Variants in ALOXE3 observed in about 807,000 individuals in gnomAD.
The protein encoded by ALOXE3 is hydroperoxide isomerase ALOXE3.
A neutral mutation model predicts 87.5 loss-of-function variants in ALOXE3; 78 were observed. The ratio of observed to expected loss-of-function variants is 0.89; its 90% CI spans 0.74 to 1.08. The LOEUF is 1.08. ALOXE3 is among the 50% of genes least tolerant of loss of function. The probability of loss-of-function intolerance (pLI) is 0.00; values close to 1 mark genes in which losing one functional copy is unlikely to be tolerated. For synonymous variants in ALOXE3, 363 were observed against 370.8 expected (o/e 0.98, Z 0.24); for missense variants, 946 against 912.4 (o/e 1.04, Z -0.47).
In ALOXE3 at chr17:8,114,508, G is replaced by A. The variant is rs201135844; in HGVS notation, c.656C>T (p.Ser219Leu). The change falls in exon 6 of 16, where the codon TCG (serine) becomes TTG (leucine). Residue 219 changes from serine to leucine, a missense_variant. Physicochemically the swap from Ser to Leu is moderately radical, Grantham distance 145. Transcript: ENST00000448843. Reference sequence around the variant, plus strand: ...CGCAGGGATGGCATTGAAGAGCAGCGAGATCGTCTTGGTGGCTGAGTATCG... The same window carrying A: ...CGCAGGGATGGCATTGAAGAGCAGCAAGATCGTCTTGGTGGCTGAGTATCG... Reference protein sequence around the residue: ...NVRYSATKTISLLFNAIPASL... With the variant: ...NVRYSATKTILLLFNAIPASL... The A allele has an allele frequency of 2.2e-5, 35 of 1,613,956 alleles. No individual in the cohort carries two copies. Among genetic ancestry groups the A allele is most frequent in the Admixed American group, 3.3e-5 (2 of 60,000 alleles).
intron 6 of ALOXE3, among the ~76,000 whole-genome samples, chr17:8,113,124 C>G (rs1980246997): frequency 6.6e-6 from 1 of 152,212 alleles, no homozygotes; most frequent in African/African-American, 2.4e-5. Context: ...AGGCACAGCT[C>G]AGAAGCAAAG....
At position 8,110,236 on chromosome 17, in the gene ALOXE3, G is replaced by A. The variant is rs750109655; in HGVS notation, c.1161C>T (p.Asp387=). The A allele has an allele frequency of 1.2e-6, 2 of 1,614,092 alleles. No homozygotes were observed. The highest frequency in any genetic ancestry group is 1.7e-6 in the Non-Finnish European group (2 of 1,179,934). Residue 387 remains aspartate, a synonymous_variant, in exon 10 of 16, where the codon GAC becomes GAT. Transcript: ENST00000448843. ...GCACCCACGTCTTGGCCAGCAGCCA[G>A]TCCCATTCGGAGTCAGTGGGCAGGA... is the stretch of plus-strand genomic sequence containing the variant. ...PIFLPTDSEW[D]WLLAKTWVRN...
At chr17:8,117,781 ACTC>A (rs1370859820) in intron 2 of ALOXE3, 60 bp downstream of exon 2, 2 of 1,567,020 alleles carry the variant, frequency 1.3e-6, no homozygotes, top group East Asian at 2.3e-5. Context: ...CAGGAGGAAT[ACTC>A]CTCCCGCCTG....
rs1217923375 is a variant in ALOXE3, at chr17:8,096,524, G to A, written c.*103C>T. On this transcript the variant is annotated 3_prime_UTR_variant, in exon 16 of 16. Coordinates refer to ENST00000448843, the MANE Select transcript of ALOXE3 (RefSeq NM_021628.3). The stretch of plus-strand genomic sequence containing the variant: ...CTCCATGTGCAGAAGAGAAGGTTCA[G>A]GTGAACTGAGAACAGGGAGGATGGA... 1.3e-6 allele frequency: 1 copy of A among 762,282 alleles called. No homozygotes were observed. Among genetic ancestry groups the A allele is most frequent in the Non-Finnish European group, 2.4e-6 (1 of 412,198 alleles). The allele number at this position is 762,282 out of a possible 1,614,324, so 47.2% of individuals were successfully genotyped here. A position where few individuals can be genotyped will look rare whatever the true frequency, so the allele number is the denominator to read the frequency against.
chr17:8,117,880 C>G lies in ALOXE3; in HGVS notation c.111G>C (p.Arg37=). The change falls in exon 2 of 16, where the codon CGG becomes CGC. Residue 37 remains arginine, a synonymous_variant. Coordinates refer to ENST00000448843, the MANE Select transcript of ALOXE3 (RefSeq NM_021628.3). ...VGTCGESPKQ[R]LDRMGRDFAP... The stretch of plus-strand genomic sequence containing the variant: ...CGAAGTCCCTGCCCATTCGATCTAG[C>G]CGCTGCTTGGGGCTTTCACCACACG... 1 of 1,611,764 alleles carries G rather than the reference C, an allele frequency of 6.2e-7. No individual in the cohort carries two copies. Among genetic ancestry groups the G allele is most frequent in the African/African-American group, 1.3e-5 (1 of 74,988 alleles).
chr17:8,118,411 G>A, intron 1 of ALOXE3, 75 bp downstream of exon 1: 1 of 1,551,020 alleles, frequency 6.4e-7, no homozygotes, highest in South Asian at 1.2e-5. Flanking sequence ...GCCCTGGAGT[G>A]CTTGTCCGCC....
chr17:8,107,988 A>G (rs865935871), intron 13 of ALOXE3, among the ~76,000 whole-genome samples: 1 of 22,126 alleles, frequency 4.5e-5, no homozygotes, highest in Non-Finnish European at 1.2e-4. Context: ...GAGAGAAAGA[A>G]AGAAAGGAAG....
chr17:8,098,008 A>G (rs1978659680), intron 15 of ALOXE3, among the ~76,000 whole-genome samples: 1 of 151,946 alleles, frequency 6.6e-6, no homozygotes, highest in African/African-American at 2.4e-5. Context: ...CGGCCTCCCA[A>G]AGTGCTGGGA....
chr17:8,103,126 A>C (rs1232925716), intron 15 of ALOXE3, among the ~76,000 whole-genome samples, 197 bp downstream of exon 15: 1 of 152,190 alleles, frequency 6.6e-6, no homozygotes, highest in Non-Finnish European at 1.5e-5. Flanking sequence ...GGACGGACAG[A>C]TTGGTAACTA....
intron 3 of ALOXE3, 124 bp from the exon 4 acceptor site, chr17:8,115,812 C>G: frequency 1.1e-6 from 1 of 908,982 alleles, no homozygotes; most frequent in Non-Finnish European, 1.8e-6. Context: ...AAACACGTGG[C>G]GGTGCCCCCA....
chr17:8,115,110 G>C lies in ALOXE3; in HGVS notation c.435-53C>G, dbSNP rs533465685. On this transcript the variant is annotated intron_variant, in intron 4 of 15. Transcript: ENST00000448843. ...CAGGTCATGCTCGGGATAAACACAA[G>C]TCTTAGCTTTAAAGACACGGCTTCA... 3.1e-6 allele frequency: 5 copies of C among 1,610,090 alleles called. No homozygotes were observed. In the South Asian group the frequency reaches 5.5e-5, roughly 18 times the overall value.
At position 8,104,147 on chromosome 17, in the gene ALOXE3, A is replaced by G. The variant is rs1360754467; in HGVS notation, c.1753T>C (p.Ser585Pro). 6.2e-7 allele frequency: 1 copy of G among 1,613,904 alleles called. No individual in the cohort carries two copies. Among genetic ancestry groups the G allele is most frequent in the Admixed American group, 1.7e-5 (1 of 60,006 alleles). Residue 585 changes from serine to proline, a missense_variant, in exon 14 of 16, where the codon TCT becomes CCT. Physicochemically the swap from Ser to Pro is moderately conservative, Grantham distance 74 (BLOSUM62 -1). Transcript: ENST00000448843. ...CTGTTGACAGCAGCGTGCTGGGCAG[A>G]GCAATTGAAGATGATTGCAGTGAGG... The part of the protein sequence containing the change: ...KFLTAIIFNC[S>P]AQHAAVNSGQ...
At chr17:8,113,543 C>G (rs563665241) in intron 6 of ALOXE3, among the ~76,000 whole-genome samples, 1 of 151,980 alleles carries the variant, frequency 6.6e-6, no homozygotes, top group Admixed American at 6.6e-5. Flanking sequence ...ATCCCAGCTA[C>G]TCGGGAGGCT....
At chr17:8,103,049 C>G (rs1480448020) in intron 15 of ALOXE3, among the ~76,000 whole-genome samples, 1 of 152,168 alleles carries the variant, frequency 6.6e-6, no homozygotes, top group Non-Finnish European at 1.5e-5. Flanking sequence ...AAGTATCCAA[C>G]AAATGTTTAT....
chr17:8,099,285 G>C (rs1271397977), intron 15 of ALOXE3, among the ~76,000 whole-genome samples: 2 of 152,200 alleles, frequency 1.3e-5, no homozygotes, highest in Non-Finnish European at 2.9e-5. Context: ...ATAAGGCTTA[G>C]AGAGGCCATT....
At chr17:8,099,299 T>C (rs76220098) in intron 15 of ALOXE3, among the ~76,000 whole-genome samples, 13,246 of 152,220 alleles carry the variant, frequency 0.087, 680 homozygotes, top group Middle Eastern at 0.16. Context: ...GGCCATTACA[T>C]AACTAAAGTC....
chr17:8,104,146 G>A lies in ALOXE3; in HGVS notation c.1754C>T (p.Ser585Phe), dbSNP rs1818026435. The A allele has an allele frequency of 6.2e-7, 1 of 1,613,854 alleles. No homozygotes were observed. The highest frequency in any genetic ancestry group is 8.5e-7 in the Non-Finnish European group (1 of 1,179,998). ...KFLTAIIFNCSAQHAAVNSGQ... is the reference protein window; with the variant it reads ...KFLTAIIFNCFAQHAAVNSGQ... ...ACTGTTGACAGCAGCGTGCTGGGCA[G>A]AGCAATTGAAGATGATTGCAGTGAG... Residue 585 changes from serine to phenylalanine, a missense_variant, in exon 14 of 16, where the codon TCT becomes TTT. Ser to Phe is a radical substitution (Grantham distance 155, BLOSUM62 -2). Transcript: ENST00000448843.
At chr17:8,111,297 G>T in intron 8 of ALOXE3, 62 bp downstream of exon 8, 1 of 1,594,554 alleles carries the variant, frequency 6.3e-7, no homozygotes, top group Non-Finnish European at 8.6e-7. Flanking sequence ...CACATCCCTT[G>T]TCCATAATGG....
chr17:8,103,608 G>A, intron 14 of ALOXE3, 115 bp from the exon 15 acceptor site: 3 of 1,184,648 alleles, frequency 2.5e-6, no homozygotes, highest in Non-Finnish European at 3.7e-6. Flanking sequence ...GGGAAATGAG[G>A]GGATCACGGA....
Sources: gnomAD v4.1 joint callset for allele counts (sites outside exome capture counted in the v4.1 genomes callset) on GRCh38, gnomAD v4.1.1 for gene constraint, MANE v1.5 for transcripts, NCBI Gene and HGNC (gene_info 2026-07-23, HGNC 2026-07-21) for gene names.